The following CTNNA2 variants were observed in gnomAD, a reference collection of about 807,000 sequenced individuals.
CTNNA2 encodes the protein catenin alpha-2.
CTNNA2 carries 42 observed loss-of-function variants against 101.0 expected under a neutral mutation model. The ratio of observed to expected loss-of-function variants is 0.42; its 90% CI spans 0.32 to 0.54. The LOEUF is 0.54. Ranked by LOEUF, CTNNA2 falls within the 20% of genes least tolerant of loss-of-function variation. The probability of loss-of-function intolerance (pLI) is 0.14; values close to 1 mark genes in which losing one functional copy is unlikely to be tolerated. For missense variants in CTNNA2, 871 were observed against 1,223.1 expected, an observed-to-expected ratio of 0.71 and a Z score of 4.29; for synonymous variants, 450 against 456.4, an observed-to-expected ratio of 0.99 and a Z score of 0.18.
At chr2:79,590,388 C>T (rs1676767240) in intron 1 of CTNNA2, among the ~76,000 whole-genome samples, 1 of 152,104 alleles carries the variant, frequency 6.6e-6, no homozygotes, top group South Asian at 2.1e-4. Context: ...ATGAAAATCT[C>T]TTGCAGTTTA....
chr2:79,738,291 G>A (rs1468090070), intron 2 of CTNNA2, among the ~76,000 whole-genome samples: 5 of 152,096 alleles, frequency 3.3e-5, no homozygotes, highest in Admixed American at 1.3e-4. Flanking sequence ...TGTGACCTGC[G>A]GAATTTCTTC....
chr2:79,930,288 GAGAA>G (rs1254766719), intron 7 of CTNNA2, among the ~76,000 whole-genome samples: 2 of 70,058 alleles, frequency 2.9e-5, no homozygotes, highest in African/African-American at 9.0e-5. Flanking sequence ...GAGAGAGAGA[GAGAA>G]AGAGAAAGAA....
intron 9 of CTNNA2, among the ~76,000 whole-genome samples, chr2:80,455,958 T>A (rs1317069145): frequency 6.6e-6 from 1 of 152,222 alleles, no homozygotes; most frequent in African/African-American, 2.4e-5. Flanking sequence ...AAGAGAAGTT[T>A]GGAACTAAAC....
chr2:80,380,981 A>G (rs1381448997), intron 7 of CTNNA2, among the ~76,000 whole-genome samples: 1 of 152,134 alleles, frequency 6.6e-6, no homozygotes, highest in Non-Finnish European at 1.5e-5. Context: ...TTTAACTGTC[A>G]TGCTACAAAA....
intron 7 of CTNNA2, among the ~76,000 whole-genome samples, chr2:80,085,747 G>A (rs150090703): frequency 4.5e-4 from 69 of 151,890 alleles, no homozygotes; most frequent in African/African-American, 1.6e-3. Context: ...TATGGAGAAG[G>A]GGCTTTAATG....
At chr2:79,597,558 G>T (rs914910471) in intron 1 of CTNNA2, among the ~76,000 whole-genome samples, 22 of 151,980 alleles carry the variant, frequency 1.4e-4, no homozygotes, top group African/African-American at 4.8e-4. Context: ...TGATAGATCT[G>T]AAAGGAGGAC....
intron 7 of CTNNA2, among the ~76,000 whole-genome samples, chr2:80,197,680 G>A (rs2149009162): frequency 6.6e-6 from 1 of 152,128 alleles, no homozygotes; most frequent in East Asian, 1.9e-4. Context: ...ATCACCAAGT[G>A]CCAACCTGAC....
intron 12 of CTNNA2, among the ~76,000 whole-genome samples, chr2:80,567,921 C>T (rs866355711): frequency 2.0e-5 from 3 of 152,072 alleles, no homozygotes; most frequent in Middle Eastern, 3.2e-3. Flanking sequence ...CTGTTTATCT[C>T]TCTCGAACAG....
intron 9 of CTNNA2, among the ~76,000 whole-genome samples, chr2:80,464,914 G>T (rs1181552979): frequency 2.0e-5 from 3 of 152,140 alleles, no homozygotes; most frequent in Non-Finnish European, 2.9e-5. Flanking sequence ...CAGGCATTCT[G>T]GTTCCAGAGT....
At chr2:79,350,277 C>G (rs901627546) in intron 3 of CTNNA2, among the ~76,000 whole-genome samples, 3 of 151,950 alleles carry the variant, frequency 2.0e-5, no homozygotes, top group Non-Finnish European at 4.4e-5. Context: ...CAACCCTTAC[C>G]CCTCTCCTAA....
rs1399818473 is a variant in CTNNA2 at position 79,432,978 on chromosome 2, G to C, written c.-135+58965G>C. On this transcript the variant is annotated intron_variant, in intron 4 of 21. Transcript: ENST00000466387. ...GATAAAGACAGCCTGGGCTGTCCCT[G>C]TTTGTCAGCGAGGTTGTTTTCAAAT... 3.3e-5 allele frequency among the ~76,000 whole-genome samples: 5 copies of C among 152,196 alleles called. No individual in the cohort carries two copies. The East Asian group carries it at 7.7e-4, about 23-fold the overall frequency.
chr2:80,155,931 G>A (rs1312536781), intron 7 of CTNNA2, among the ~76,000 whole-genome samples: 4 of 152,140 alleles, frequency 2.6e-5, no homozygotes, highest in African/African-American at 9.7e-5. Flanking sequence ...TCTGCCTGAG[G>A]CCTTCTGTTA....
rs190802387 is a variant in CTNNA2, at chr2:79,760,968, G to A, written c.298+16386G>A. Among the ~76,000 whole-genome samples, 887 of 152,178 alleles carry A rather than the reference G, an allele frequency of 5.8e-3. 6 individuals are homozygous for A. Among genetic ancestry groups the A allele is most frequent in the African/African-American group, 0.019 (787 of 41,522 alleles). On this transcript the variant is annotated intron_variant, in intron 3 of 18. Transcript: ENST00000402739. ...CCAAAAGCCAAATATATGGCATGGC[G>A]CAAGTCAGCCTTTATGTGCCACAAT...
intron 18 of CTNNA2, among the ~76,000 whole-genome samples, chr2:80,637,837 C>A (rs555424573): frequency 6.6e-6 from 1 of 152,124 alleles, no homozygotes; most frequent in East Asian, 1.9e-4. Flanking sequence ...GCACCCAAAC[C>A]GCAGCCTTTG....
At chr2:79,695,962 A>G (rs1255593812) in intron 2 of CTNNA2, among the ~76,000 whole-genome samples, 1 of 151,614 alleles carries the variant, frequency 6.6e-6, no homozygotes, top group Non-Finnish European at 1.5e-5. Context: ...CTAAACTTTT[A>G]TTTTTTCCCA....
chr2:79,433,478 C>A (rs1678677770), intron 4 of CTNNA2, among the ~76,000 whole-genome samples: 1 of 151,936 alleles, frequency 6.6e-6, no homozygotes. Flanking sequence ...TAAAAATATT[C>A]ATATAAACAC....
At chr2:79,760,287 ATGTG>A (rs72350498) in intron 3 of CTNNA2, among the ~76,000 whole-genome samples, 40,059 of 149,622 alleles carry the variant, frequency 0.27, 8,378 homozygotes, top group African/African-American at 0.58. Context: ...TACATATAAA[ATGTG>A]TGTGTGTGTG....
chr2:80,496,132 A>ACATAG (rs1174623053), intron 9 of CTNNA2, among the ~76,000 whole-genome samples: 1 of 152,050 alleles, frequency 6.6e-6, no homozygotes, highest in Non-Finnish European at 1.5e-5. Context: ...TTCGGAGAGA[A>ACATAG]CATAGTTCTG....
intron 1 of CTNNA2, among the ~76,000 whole-genome samples, chr2:79,517,033 C>G (rs77063259): frequency 2.0e-5 from 3 of 152,060 alleles, no homozygotes; most frequent in South Asian, 2.1e-4. Flanking sequence ...GGATGGTGCT[C>G]TTTCAGTTTT....
Sources: gnomAD v4.1 joint callset for allele counts (sites outside exome capture counted in the v4.1 genomes callset) on GRCh38, gnomAD v4.1.1 for gene constraint, MANE v1.5 for transcripts, NCBI Gene and HGNC (gene_info 2026-07-23, HGNC 2026-07-21) for gene names.